The following PCDHGA9 variants were observed in gnomAD, a reference collection of about 807,000 sequenced individuals.
PCDHGA9 encodes protocadherin gamma subfamily A, 9, also known as protocadherin gamma-A9.
A neutral mutation model predicts 62.5 loss-of-function variants in PCDHGA9; 37 were observed. The observed-to-expected ratio is 0.59, with a 90% confidence interval of 0.46 to 0.78. The LOEUF (loss-of-function observed/expected upper bound fraction) is 0.78. PCDHGA9 is among the 30% of genes least tolerant of loss of function. PCDHGA9 has a pLI of 0.00. For synonymous variants in PCDHGA9, 459 were observed against 484.6 expected (o/e 0.95, Z 0.69); for missense variants, 1,138 against 1,166.2 (o/e 0.98, Z 0.35).
In PCDHGA9 at chr5:141,487,522, T is replaced by C. The variant is rs764726787; in HGVS notation, c.2425-7285T>C. 2 of 1,614,166 alleles carry C rather than the reference T, an allele frequency of 1.2e-6. No individual in the cohort carries two copies. The highest frequency in any genetic ancestry group is 1.7e-6 in the Non-Finnish European group (2 of 1,180,022). ...TGGCTTCTGCACCCACTCGGAGTGATAGCTTCATGATGGTGAAGTCACCCA... is the reference window on the plus strand; with the variant it reads ...TGGCTTCTGCACCCACTCGGAGTGACAGCTTCATGATGGTGAAGTCACCCA... On this transcript the variant is annotated intron_variant, in intron 1 of 3. Coordinates refer to ENST00000573521, the MANE Select transcript of PCDHGA9 (RefSeq NM_018921.3). This position sits in a 1 kb window ranked among gnomAD's most constrained non-coding sequence, Gnocchi z 5.0.
chr5:141,433,199 ATCT>A (rs1202688924), intron 1 of PCDHGA9: 4 of 1,579,570 alleles, frequency 2.5e-6, no homozygotes, highest in East Asian at 2.2e-5. Context: ...TTTATATCAA[ATCT>A]TCTTTCTTTT....
chr5:141,441,861 C>T (rs3805696), intron 1 of PCDHGA9: 35,405 of 342,650 alleles, frequency 0.1, 2,215 homozygotes, highest in African/African-American at 0.17. Context: ...TGCTGCACGC[C>T]GCGGAGCCTG....
Position 141,489,242 on chromosome 5 carries a change from T to C in PCDHGA9, c.2425-5565T>C. ...TCTCCACAAAGGGACTTCTGGGTCA[T>C]GGGGCCCAAGACACTCCCACAGCTC... On this transcript the variant is annotated intron_variant, in intron 1 of 3. Transcript: ENST00000573521. This position sits in a 1 kb window ranked among gnomAD's most constrained non-coding sequence, Gnocchi z 4.5. 6.5e-7 allele frequency: 1 copy of C among 1,534,502 alleles called. No individual in the cohort carries two copies. The highest frequency in any genetic ancestry group is 8.8e-7 in the Non-Finnish European group (1 of 1,141,994).
rs200576950 is a variant in PCDHGA9 at position 141,477,475 on chromosome 5, C to T, written c.2425-17332C>T. The T allele has an allele frequency of 1.2e-6, 2 of 1,614,124 alleles. No individual in the cohort carries two copies. Among genetic ancestry groups the T allele is most frequent in the African/African-American group, 2.7e-5 (2 of 75,010 alleles). ...TTCAAGTGTCCGACATCAATGACAACCCTCCACAATCTTCTCAATCTTCCT... is the reference window on the plus strand; with the variant it reads ...TTCAAGTGTCCGACATCAATGACAATCCTCCACAATCTTCTCAATCTTCCT... On this transcript the variant is annotated intron_variant, in intron 1 of 3. Transcript: ENST00000573521. The surrounding 1 kb of genome is among the most constrained non-coding windows in gnomAD (Gnocchi z 4.9).
intron 1 of PCDHGA9, chr5:141,412,995 T>G: frequency 1.7e-6 from 1 of 572,718 alleles, no homozygotes. Flanking sequence ...TCAATCCGGA[T>G]TCTCAGGGCT....
chr5:141,509,447 C>T (rs898280593), intron 3 of PCDHGA9, among the ~76,000 whole-genome samples: 2 of 152,128 alleles, frequency 1.3e-5, no homozygotes, highest in Admixed American at 6.5e-5. Context: ...CCTCCTCTCC[C>T]ACCCCCGACC....
rs759647406 is a variant in PCDHGA9 at position 141,493,849 on chromosome 5, A to G, written c.2425-958A>G. Among the ~76,000 whole-genome samples the G allele has an allele frequency of 6.6e-6, 1 of 152,178 alleles. No individual in the cohort carries two copies. The highest frequency in any genetic ancestry group is 1.5e-5 in the Non-Finnish European group (1 of 68,028). ...CTGGGAGCAAGTATGAGTATTAATT[A>G]CCAGCCCACCCCAGAACCAGTGAGG... On this transcript the variant is annotated intron_variant, in intron 1 of 3. Coordinates refer to ENST00000573521, the MANE Select transcript of PCDHGA9 (RefSeq NM_018921.3). The surrounding 1 kb of genome is among the most constrained non-coding windows in gnomAD (Gnocchi z 4.3).
chr5:141,437,622 A>G (rs1007643306), intron 1 of PCDHGA9, among the ~76,000 whole-genome samples: 2 of 152,192 alleles, frequency 1.3e-5, no homozygotes, highest in Non-Finnish European at 2.9e-5. Flanking sequence ...TTATCCCCAT[A>G]TAAGATGTCA....
At chr5:141,450,815 A>ATAT (rs1420984335) in intron 1 of PCDHGA9, among the ~76,000 whole-genome samples, 2,245 of 126,710 alleles carry the variant, frequency 0.018, 73 homozygotes, top group African/African-American at 0.063. Flanking sequence ...TATTTATTTA[A>ATAT]TATTATTATT....
intron 1 of PCDHGA9, chr5:141,418,614 G>C: frequency 1.2e-6 from 2 of 1,613,994 alleles, no homozygotes; most frequent in Non-Finnish European, 1.7e-6. Flanking sequence ...GTTAGCCTTC[G>C]GGAAGACGTG....
Position 141,476,370 on chromosome 5 carries a change from A to G in PCDHGA9, c.2425-18437A>G, listed in dbSNP as rs747703594. 13 of 1,613,882 alleles carry G rather than the reference A, an allele frequency of 8.1e-6. No individual in the cohort carries two copies. In the East Asian group the frequency reaches 2.7e-4, roughly 33 times the overall value. On this transcript the variant is annotated intron_variant, in intron 1 of 3. Transcript: ENST00000573521. This position sits in a 1 kb window ranked among gnomAD's most constrained non-coding sequence, Gnocchi z 7.6. ...TTTGAGGTGAACCGGGAGACCGGAG[A>G]GATGTTTGTGAACGACCGTCTGGAT...
Position 141,421,262 on chromosome 5 carries a change from G to GGCTGCT in PCDHGA9, c.2424+15897_2424+15902dup, listed in dbSNP as rs748368476. 11 of 1,609,598 alleles carry GGCTGCT rather than the reference G, an allele frequency of 6.8e-6. No individual in the cohort carries two copies. The Admixed American group carries it at 8.4e-5, about 12-fold the overall frequency. ...CGGCTACAGCGCGGGGACCGCAGTC[G>GGCTGCT]GCTGCTGCTGCTGCTGTGCATTTTC... is the stretch of plus-strand genomic sequence containing the variant. On this transcript the variant is annotated intron_variant, in intron 1 of 3. Coordinates refer to ENST00000573521, the MANE Select transcript of PCDHGA9 (RefSeq NM_018921.3).
intron 1 of PCDHGA9, chr5:141,415,493 T>C (rs1312874620): frequency 6.2e-7 from 1 of 1,614,108 alleles, no homozygotes; most frequent in Non-Finnish European, 8.5e-7. Context: ...AGTCACCTGA[T>C]CTTCCCCCAG....
At chr5:141,500,789 C>G (rs1006758925) in intron 2 of PCDHGA9, among the ~76,000 whole-genome samples, 2 of 152,142 alleles carry the variant, frequency 1.3e-5, no homozygotes, top group African/African-American at 4.8e-5. Flanking sequence ...TATTATTTTA[C>G]AGAATAAGTC....
At chr5:141,442,006 G>T (rs540427406) in intron 1 of PCDHGA9, 2 of 229,074 alleles carry the variant, frequency 8.7e-6, no homozygotes, top group South Asian at 4.9e-5. Flanking sequence ...CTGACAGCTC[G>T]CACGATGGGC....
Position 141,487,928 on chromosome 5 carries a change from A to G in PCDHGA9, c.2425-6879A>G. Reference sequence around the variant, plus strand: ...GGGAGCACAGGAGGCTACAGTGCACAGGGTACAGTGCACCAGGCAGTCACT... The same window carrying G: ...GGGAGCACAGGAGGCTACAGTGCACGGGGTACAGTGCACCAGGCAGTCACT... On this transcript the variant is annotated intron_variant, in intron 1 of 3. Transcript: ENST00000573521. The surrounding 1 kb of genome is among the most constrained non-coding windows in gnomAD (Gnocchi z 5.0). The G allele has an allele frequency of 3.2e-6, 2 of 620,886 alleles. No homozygotes were observed. The highest frequency in any genetic ancestry group is 5.6e-6 in the Non-Finnish European group (2 of 355,916). The allele number at this position is 620,886 out of a possible 1,614,324, so 38.5% of individuals were successfully genotyped here. A position where few individuals can be genotyped will look rare whatever the true frequency, so the allele number is the denominator to read the frequency against.
intron 1 of PCDHGA9, among the ~76,000 whole-genome samples, chr5:141,444,199 T>C (rs2098425653): frequency 7.4e-6 from 1 of 134,516 alleles, no homozygotes; most frequent in African/African-American, 2.9e-5. Context: ...GAGATGGAGT[T>C]TCACTCTTGT....
At chr5:141,427,239 G>C (rs1160872088) in intron 1 of PCDHGA9, 1 of 456,746 alleles carries the variant, frequency 2.2e-6, no homozygotes, top group East Asian at 6.9e-5. Flanking sequence ...GAGAGTAGAA[G>C]CTAAGGATGG....
intron 1 of PCDHGA9, among the ~76,000 whole-genome samples, chr5:141,465,347 G>A (rs2099101721): frequency 6.6e-6 from 1 of 151,938 alleles, no homozygotes; most frequent in South Asian, 2.1e-4. Context: ...GGTTACTGAA[G>A]AAAAAATGGG....
Sources: gnomAD v4.1 joint callset for allele counts (sites outside exome capture counted in the v4.1 genomes callset) on GRCh38, gnomAD v4.1.1 for gene constraint, Gnocchi (gnomAD v3.1) non-coding constraint, MANE v1.5 for transcripts, NCBI Gene and HGNC (gene_info 2026-07-23, HGNC 2026-07-21) for gene names.